Variants in ATP10B observed in about 807,000 individuals in gnomAD.
The protein encoded by ATP10B is ATPase phospholipid transporting 10B (putative), also known as phospholipid-transporting ATPase VB.
Under a neutral mutation model 141.2 loss-of-function variants are expected in ATP10B, and 122 were observed. The observed-to-expected ratio is 0.86, with a 90% CI of 0.75 to 1.00. The LOEUF (loss-of-function observed/expected upper bound fraction) is 1.00, where lower values mean the gene tolerates loss of function less well. Among genes scored for constraint, ATP10B ranks in the 50% least tolerant of loss-of-function variants. ATP10B has a pLI of 0.00. For missense variants in ATP10B, 1,876 were observed against 1,825.3 expected (o/e 1.03, Z -0.51); for synonymous variants, 685 against 692.0 (o/e 0.99, Z 0.16).
chr5:160,850,626 T>TTG (rs1561923719), intron 1 of ATP10B, among the ~76,000 whole-genome samples: 3 of 152,120 alleles, frequency 2.0e-5, no homozygotes, highest in Non-Finnish European at 4.4e-5. Context: ...TCACTGGACT[T>TTG]ATCAGTATCA....
chr5:160,586,286 T>C (rs984634959), intron 24 of ATP10B, among the ~76,000 whole-genome samples: 5 of 152,248 alleles, frequency 3.3e-5, no homozygotes, highest in African/African-American at 9.6e-5. Flanking sequence ...GCTTCATCTA[T>C]GTCCCTGCAA....
chr5:160,758,663 C>G (rs761131936), intron 2 of ATP10B, among the ~76,000 whole-genome samples: 1 of 152,218 alleles, frequency 6.6e-6, no homozygotes. Context: ...CTGCTAACCT[C>G]TCTCTTTTCT....
intron 11 of ATP10B, among the ~76,000 whole-genome samples, chr5:160,635,702 T>C (rs1667123898): frequency 6.6e-6 from 1 of 152,188 alleles, no homozygotes; most frequent in Admixed American, 6.5e-5. Flanking sequence ...CTGTCTCACA[T>C]TTGTCTCACT....
chr5:160,610,736 T>A (rs571188023), intron 18 of ATP10B, among the ~76,000 whole-genome samples: 1 of 152,348 alleles, frequency 6.6e-6, no homozygotes, highest in East Asian at 1.9e-4. Flanking sequence ...TATAGGTTGT[T>A]AATTATTAAC....
At chr5:160,801,445 C>CTACA (rs1772364460) in intron 1 of ATP10B, among the ~76,000 whole-genome samples, 1 of 152,132 alleles carries the variant, frequency 6.6e-6, no homozygotes, top group South Asian at 2.1e-4. Flanking sequence ...GCAGCTCTTA[C>CTACA]TACAAAATGG....
At chr5:160,704,828 A>G (rs1028553721) in intron 3 of ATP10B, among the ~76,000 whole-genome samples, 3 of 151,444 alleles carry the variant, frequency 2.0e-5, no homozygotes, top group Admixed American at 6.6e-5. Context: ...GTCACCTTGC[A>G]GTCTCGCAGT....
intron 6 of ATP10B, chr5:160,685,031 G>T: frequency 1.4e-6 from 1 of 703,482 alleles, no homozygotes; most frequent in Non-Finnish European, 2.6e-6. Context: ...TTGGCAAACC[G>T]GTGTAGCTGC....
intron 11 of ATP10B, among the ~76,000 whole-genome samples, chr5:160,635,403 G>C (rs1011064281): frequency 2.6e-4 from 39 of 152,246 alleles, no homozygotes; most frequent in African/African-American, 9.1e-4. Context: ...AGATCACTTA[G>C]GGCTTCATCA....
the ATP10B span, among the ~76,000 whole-genome samples, chr5:160,870,589 A>T: frequency 6.6e-6 from 1 of 152,164 alleles, no homozygotes; most frequent in South Asian, 2.1e-4. Context: ...CAACTAAAAA[A>T]GACGTAACAT....
chr5:160,820,804 C>G (rs961070750), intron 1 of ATP10B, among the ~76,000 whole-genome samples: 2 of 152,066 alleles, frequency 1.3e-5, no homozygotes, highest in African/African-American at 2.4e-5. Context: ...ATGGCCATTT[C>G]TATTGATGCT....
chr5:160,594,578 A>G (rs1363126891), intron 22 of ATP10B, among the ~76,000 whole-genome samples: 1 of 151,938 alleles, frequency 6.6e-6, no homozygotes, highest in African/African-American at 2.4e-5. Flanking sequence ...GCTCCAATTA[A>G]AAGACACAGA....
At chr5:160,777,662 C>T (rs1770432180) in intron 2 of ATP10B, among the ~76,000 whole-genome samples, 1 of 152,166 alleles carries the variant, frequency 6.6e-6, no homozygotes, top group Non-Finnish European at 1.5e-5. Context: ...CTGGCTCCAG[C>T]AGTGACTATG....
At chr5:160,599,013 C>T (rs775357935) in intron 21 of ATP10B, 43 bp from the exon 22 acceptor site, 3 of 1,593,848 alleles carry the variant, frequency 1.9e-6, no homozygotes, top group Non-Finnish European at 2.6e-6. Flanking sequence ...GCTCCATGTG[C>T]AGCCGGTCAC....
intron 7 of ATP10B, among the ~76,000 whole-genome samples, chr5:160,668,292 G>C (rs571283901): frequency 9.2e-5 from 14 of 151,574 alleles, no homozygotes; most frequent in Admixed American, 3.3e-4. Flanking sequence ...ATGTGGTGAG[G>C]CTAAGGTGTC....
intron 5 of ATP10B, 40 bp from the exon 6 acceptor site, chr5:160,686,313 A>G: frequency 7.1e-7 from 1 of 1,417,992 alleles, no homozygotes; most frequent in Non-Finnish European, 9.4e-7. Flanking sequence ...ACTATGGAGA[A>G]GAAAAATGTA....
chr5:160,585,534 C>T lies in ATP10B; in HGVS notation c.3750+4058G>A, dbSNP rs116456326. Among the ~76,000 whole-genome samples, 1,476 of 152,270 alleles carry T rather than the reference C, an allele frequency of 9.7e-3. 20 individuals carry two copies. The highest frequency in any genetic ancestry group is 0.033 in the African/African-American group (1,360 of 41,546). On this transcript the variant is annotated intron_variant, in intron 24 of 25. Transcript: ENST00000327245. ...AGAAGAATCTTTTGAACCCAGGAGG[C>T]GGAGGTGCAATGAGCCAAGATGGCG...
At chr5:160,693,067 A>G (rs564215658) in intron 3 of ATP10B, among the ~76,000 whole-genome samples, 2 of 152,294 alleles carry the variant, frequency 1.3e-5, no homozygotes, top group East Asian at 3.9e-4. Context: ...GGGCTATTCT[A>G]TAAAACAACT....
chr5:160,850,787 CATG>C (rs1169574049), intron 1 of ATP10B, among the ~76,000 whole-genome samples: 6 of 152,186 alleles, frequency 3.9e-5, no homozygotes, highest in Admixed American at 3.3e-4. Flanking sequence ...TTAAAAAATA[CATG>C]ATGAAAACCT....
rs898880735 is a variant in ATP10B, at chr5:160,565,958, A to G, written c.3939-58T>C. On this transcript the variant is annotated intron_variant, in intron 25 of 25. Coordinates refer to ENST00000327245, the MANE Select transcript of ATP10B (RefSeq NM_025153.3). The stretch of plus-strand genomic sequence containing the variant: ...GATTTCCACTGACTTCATAAACTTC[A>G]GCATTAAAAGATAGTCTTTAGAATC... The G allele has an allele frequency of 2.0e-6, 3 of 1,477,358 alleles. No individual in the cohort carries two copies. The African/African-American group carries it at 4.2e-5, about 21-fold the overall frequency. The allele number at this position is 1,477,358 out of a possible 1,614,324, so 91.5% of individuals were successfully genotyped here. A position where few individuals can be genotyped will look rare whatever the true frequency, so the allele number is the denominator to read the frequency against.
Sources: gnomAD v4.1 joint callset for allele counts (sites outside exome capture counted in the v4.1 genomes callset) on GRCh38, gnomAD v4.1.1 for gene constraint, MANE v1.5 for transcripts, NCBI Gene and HGNC (gene_info 2026-07-23, HGNC 2026-07-21) for gene names.